Variants in ERCC6L2 observed in about 807,000 individuals in gnomAD.
The protein encoded by ERCC6L2 is ERCC excision repair 6 like 2.
ERCC6L2 carries 77 observed loss-of-function variants against 132.0 expected under a neutral mutation model. The observed-to-expected ratio is 0.58, with a 90% CI of 0.49 to 0.71. ERCC6L2 has a LOEUF of 0.71. Among genes scored for constraint, ERCC6L2 ranks in the 30% least tolerant of loss-of-function variants. ERCC6L2 has a pLI of 0.00. For missense variants in ERCC6L2, 1,542 were observed against 1,837.6 expected, an observed-to-expected ratio of 0.84 and a Z score of 2.94; for synonymous variants, 583 against 632.4, an observed-to-expected ratio of 0.92 and a Z score of 1.17.
rs1588033912 is a variant in ERCC6L2, at chr9:95,993,531, C to A, written c.3493-10989C>A. On this transcript the variant is annotated intron_variant, in intron 17 of 18. Coordinates refer to ENST00000653738, the MANE Select transcript of ERCC6L2 (RefSeq NM_020207.7). ...TAGCACATGGCATTCACCTGCTCCCCCCAATGCTGCCACTTCGCATCATTT... is the reference window on the plus strand; with the variant it reads ...TAGCACATGGCATTCACCTGCTCCCACCAATGCTGCCACTTCGCATCATTT... Among the ~76,000 whole-genome samples, 3 of 152,192 alleles carry A rather than the reference C, an allele frequency of 2.0e-5. No individual in the cohort carries two copies. The East Asian group carries it at 5.8e-4, about 29-fold the overall frequency.
chr9:95,933,577 G>A (rs1260516845), intron 11 of ERCC6L2, among the ~76,000 whole-genome samples: 1 of 152,120 alleles, frequency 6.6e-6, no homozygotes, highest in African/African-American at 2.4e-5. Flanking sequence ...AGGTGCAGTG[G>A]CTCACGCGTG....
At chr9:96,020,398 C>T (rs1411048817), downstream of ERCC6L2, 7 of 249,482 alleles carry the variant, frequency 2.8e-5, no homozygotes, top group African/African-American at 1.4e-4. Context: ...ACCCGGGATG[C>T]TCCAGAGGCC....
At chr9:95,920,897 C>T (rs1229561440) in intron 6 of ERCC6L2, among the ~76,000 whole-genome samples, 2 of 152,186 alleles carry the variant, frequency 1.3e-5, no homozygotes, top group Admixed American at 6.5e-5. Flanking sequence ...CTGCCTCAGC[C>T]TCCTGAGTAG....
intron 4 of ERCC6L2, among the ~76,000 whole-genome samples, chr9:95,913,169 C>T (rs1038396081): frequency 7.9e-5 from 12 of 152,158 alleles, no homozygotes; most frequent in African/African-American, 2.7e-4. Flanking sequence ...GTAGTATTAG[C>T]ACATACAAAT....
At chr9:95,928,582 A>G in intron 10 of ERCC6L2, 137 bp from the exon 11 acceptor site, 1 of 763,886 alleles carries the variant, frequency 1.3e-6, no homozygotes. Context: ...AGTGAGAAAA[A>G]TATTTATTGT....
chr9:95,923,088 G>A lies in ERCC6L2; in HGVS notation c.1414-172G>A, dbSNP rs192800262. ...CATCATTAAGAATTCAGTGCCATAC[G>A]TTTAACATATAACTTTAAGAGTTTT... On this transcript the variant is annotated intron_variant, in intron 8 of 18. Coordinates refer to ENST00000653738, the MANE Select transcript of ERCC6L2 (RefSeq NM_020207.7). Among the ~76,000 whole-genome samples, 122 of 152,188 alleles carry A rather than the reference G, an allele frequency of 8.0e-4. 1 individual carries two copies. Among genetic ancestry groups the A allele is most frequent in the Non-Finnish European group, 1.3e-3 (91 of 68,010 alleles).
Position 96,012,960 on chromosome 9 carries a change from A to G in ERCC6L2, c.4410A>G (p.Lys1470=), listed in dbSNP as rs927559075. ...PKKVLSGPME[K]AKQRPKDFWD... is the part of the protein sequence containing the mutation. ...AAGTTCTTTCAGGGCCCATGGAAAA[A>G]GCAAAACAGAGACCAAAAGATTTCT... Residue 1470 remains lysine (K), a synonymous_variant, in exon 19 of 19, where the codon AAA becomes AAG. Coordinates refer to ENST00000653738, the MANE Select transcript of ERCC6L2 (RefSeq NM_020207.7). 4 of 1,367,238 alleles carry G rather than the reference A, an allele frequency of 2.9e-6. No homozygotes were observed. Among genetic ancestry groups the G allele is most frequent in the Admixed American group, 1.9e-5 (1 of 52,500 alleles). 84.7% of individuals were successfully genotyped at this position (1,367,238 alleles called of 1,614,324 possible). A position where few individuals can be genotyped will look rare whatever the true frequency, so the allele number is the denominator to read the frequency against.
chr9:95,992,316 G>A (rs773898052), intron 17 of ERCC6L2, among the ~76,000 whole-genome samples: 1 of 152,120 alleles, frequency 6.6e-6, no homozygotes, highest in Non-Finnish European at 1.5e-5. Flanking sequence ...AACTCCTTGA[G>A]ATTCTCAATA....
intron 2 of ERCC6L2, among the ~76,000 whole-genome samples, chr9:95,882,885 A>G (rs1052915733): frequency 2.0e-5 from 3 of 152,204 alleles, no homozygotes; most frequent in Admixed American, 6.5e-5. Context: ...ACAAACTATC[A>G]TTTAGCATGC....
At chr9:95,886,350 A>G (rs888950739) in intron 2 of ERCC6L2, among the ~76,000 whole-genome samples, 6 of 150,046 alleles carry the variant, frequency 4.0e-5, no homozygotes, top group African/African-American at 1.2e-4. Flanking sequence ...GATGATGATC[A>G]TTTCATTTAA....
intron 2 of ERCC6L2, among the ~76,000 whole-genome samples, chr9:95,881,739 G>A (rs979419889): frequency 2.6e-5 from 4 of 152,180 alleles, no homozygotes. Context: ...TGGGTCACTA[G>A]CAGTTCTGTT....
chr9:95,922,682 A>G (rs554920819), intron 8 of ERCC6L2, among the ~76,000 whole-genome samples: 1 of 152,268 alleles, frequency 6.6e-6, no homozygotes, highest in East Asian at 1.9e-4. Context: ...CTTTGGTATA[A>G]TTACTAAATA....
intron 3 of ERCC6L2, chr9:95,906,790 T>A: frequency 2.0e-6 from 1 of 489,262 alleles, no homozygotes; most frequent in Non-Finnish European, 3.9e-6. Flanking sequence ...GGAAAGTTAC[T>A]TCTCTCTCAT....
intron 1 of ERCC6L2, among the ~76,000 whole-genome samples, chr9:95,879,221 A>C (rs1827459665): frequency 6.6e-6 from 1 of 152,108 alleles, no homozygotes; most frequent in African/African-American, 2.4e-5. Flanking sequence ...ATGGTATCTC[A>C]TTGTGGCTTT....
chr9:95,960,806 A>G (rs924314753), intron 13 of ERCC6L2, among the ~76,000 whole-genome samples: 3 of 152,012 alleles, frequency 2.0e-5, no homozygotes, highest in South Asian at 2.1e-4. Context: ...CCAATTTTTT[A>G]TTTTTATTTT....
rs1249141463 is a variant in ERCC6L2 at position 96,016,150 on chromosome 9, C to CGT, written c.*2947_*2948insGT. Reference sequence around the variant, plus strand: ...TGGGTGGCCTCAAGCAAATCCCTTACCTCCTTTTAGCCTTAGTTTCCCCTT... The same window carrying CGT: ...TGGGTGGCCTCAAGCAAATCCCTTACGTCTCCTTTTAGCCTTAGTTTCCCCTT... On this transcript the variant is annotated 3_prime_UTR_variant, in exon 19 of 19. Transcript: ENST00000653738. Among the ~76,000 whole-genome samples the CGT allele has an allele frequency of 2.0e-5, 3 of 152,204 alleles. No homozygotes were observed. The highest frequency in any genetic ancestry group is 7.2e-5 in the African/African-American group (3 of 41,446).
chr9:95,891,679 C>T (rs11794747), intron 2 of ERCC6L2, among the ~76,000 whole-genome samples: 1 of 151,946 alleles, frequency 6.6e-6, no homozygotes, highest in South Asian at 2.1e-4. Flanking sequence ...TCCAGGTTTC[C>T]TATGCCTCCA....
At position 95,922,315 on chromosome 9, in the gene ERCC6L2, A is replaced by C; in HGVS notation, c.1310A>C (p.His437Pro). 1 of 1,605,230 alleles carries C rather than the reference A, an allele frequency of 6.2e-7. No homozygotes were observed. The highest frequency in any genetic ancestry group is 8.5e-7 in the Non-Finnish European group (1 of 1,172,654). ...TTTTTCTGGTTACAGACCAATTCTC[A>C]TGGTGAAACAGTGAAAACCTTGTAT... is the stretch of plus-strand genomic sequence containing the variant. ...RRNCCYKTNS[H>P]GETVKTLYLS... The change falls in exon 8 of 19, where the codon CAT becomes CCT. Residue 437 changes from histidine to proline, a missense_variant. His to Pro is a moderately conservative substitution (Grantham distance 77). Coordinates refer to ENST00000653738, the MANE Select transcript of ERCC6L2 (RefSeq NM_020207.7).
At chr9:96,024,125 C>T (rs775816652) in intron 19 of ERCC6L2, among the ~76,000 whole-genome samples, 18 of 152,214 alleles carry the variant, frequency 1.2e-4, no homozygotes, top group Non-Finnish European at 4.4e-5. Context: ...CTAAAAGTTG[C>T]TACTAACTAT....
Sources: allele counts gnomAD v4.1 joint callset (sites outside exome capture counted in the v4.1 genomes callset), GRCh38; gene constraint gnomAD v4.1.1; transcripts MANE v1.5; gene names NCBI Gene and HGNC (gene_info 2026-07-23, HGNC 2026-07-21).